Variants in MTO1 observed in about 807,000 individuals in gnomAD.
MTO1 encodes the protein mitochondrial tRNA translation optimization 1.
Under a neutral mutation model 71.6 loss-of-function variants are expected in MTO1, and 46 were observed. That is an observed-to-expected ratio of 0.64 (90% CI 0.51 to 0.82). The LOEUF is 0.82. Among genes scored for constraint, MTO1 ranks in the 40% least tolerant of loss-of-function variants. MTO1 has a pLI of 0.00. For missense variants in MTO1, 773 were observed against 867.5 expected (o/e 0.89, Z 1.37); for synonymous variants, 297 against 312.1 (o/e 0.95, Z 0.51).
chr6:73,481,984 G>A lies in MTO1; in HGVS notation c.1261-56G>A. ...TTGTTTCTGAGTAGTGTTCTGAATG[G>A]GATAGCCGTTTGTTTAGTTCATAAT... On this transcript the variant is annotated intron_variant, in intron 7 of 11. Coordinates refer to ENST00000498286, the MANE Select transcript of MTO1 (RefSeq NM_012123.4). 2.5e-6 allele frequency: 4 copies of A among 1,584,062 alleles called. No individual in the cohort carries two copies. In the South Asian group the frequency reaches 3.3e-5, roughly 13 times the overall value.
intron 3 of MTO1, among the ~76,000 whole-genome samples, chr6:73,469,734 G>C (rs1371705120): frequency 6.6e-6 from 1 of 152,110 alleles, no homozygotes; most frequent in African/African-American, 2.4e-5. Context: ...TGCTGGACAC[G>C]GTGGCTCACG....
At chr6:73,495,049 G>T (rs1215465330) in intron 10 of MTO1, among the ~76,000 whole-genome samples, 2 of 152,128 alleles carry the variant, frequency 1.3e-5, no homozygotes, top group East Asian at 3.9e-4. Flanking sequence ...TCCCAAAGTT[G>T]TTGGGATTAC....
chr6:73,498,088 C>T (rs1237156947), intron 11 of MTO1, among the ~76,000 whole-genome samples, 192 bp downstream of exon 11: 1 of 152,040 alleles, frequency 6.6e-6, no homozygotes, highest in Admixed American at 6.6e-5. Context: ...TGGCATGCAC[C>T]TGCAGCGCCA....
intron 3 of MTO1, 70 bp downstream of exon 3, chr6:73,466,676 C>G: frequency 7.3e-7 from 1 of 1,372,470 alleles, no homozygotes. Flanking sequence ...TATTTTAGAG[C>G]AAAGTGTGGA....
intron 4 of MTO1, among the ~76,000 whole-genome samples, chr6:73,476,841 T>A (rs1015161333): frequency 2.0e-5 from 3 of 150,704 alleles, no homozygotes; most frequent in Non-Finnish European, 4.4e-5. Context: ...CAGGCTGGAG[T>A]GCAGTGGTGC....
intron 4 of MTO1, among the ~76,000 whole-genome samples, chr6:73,476,960 G>T (rs1018187785): frequency 2.6e-5 from 4 of 151,850 alleles, no homozygotes; most frequent in African/African-American, 9.7e-5. Flanking sequence ...ACTAATTTTT[G>T]TAGTTTTAGT....
chr6:73,484,219 C>G (rs1279896655), intron 9 of MTO1, among the ~76,000 whole-genome samples: 1 of 152,168 alleles, frequency 6.6e-6, no homozygotes. Context: ...AAATGACAGC[C>G]TTATTCACAA....
chr6:73,495,979 G>A (rs533379189), intron 10 of MTO1, among the ~76,000 whole-genome samples: 1 of 152,306 alleles, frequency 6.6e-6, no homozygotes, highest in African/African-American at 2.4e-5. Flanking sequence ...GTTGGTGAGT[G>A]GCAGAGCTGG....
intron 9 of MTO1, chr6:73,492,030 A>C: frequency 2.4e-6 from 1 of 419,018 alleles, no homozygotes; most frequent in Admixed American, 3.5e-5. Flanking sequence ...TGAACCCAGC[A>C]GGTGGGGATT....
intron 9 of MTO1, among the ~76,000 whole-genome samples, chr6:73,488,912 G>A (rs535896918): frequency 4.6e-5 from 7 of 152,190 alleles, no homozygotes; most frequent in South Asian, 4.1e-4. Context: ...GCAAGACTCC[G>A]TCTAAAAAAC....
chr6:73,506,297 CTTTG>C lies in MTO1; in HGVS notation c.*5567_*5570del, dbSNP rs1291933688. 7 of 152,086 alleles carry C rather than the reference CTTTG, an allele frequency of 4.6e-5. No individual in the cohort carries two copies. Among genetic ancestry groups the C allele is most frequent in the Non-Finnish European group, 1.0e-4 (7 of 68,038 alleles). The allele number at this position is 152,086 out of a possible 1,614,324, so 9.4% of individuals were successfully genotyped here. A position where few individuals can be genotyped will look rare whatever the true frequency, so the allele number is the denominator to read the frequency against. On this transcript the variant is annotated 3_prime_UTR_variant, in exon 12 of 12. Coordinates refer to ENST00000498286, the MANE Select transcript of MTO1 (RefSeq NM_012123.4). ...CAGCCAAGATGGAAATTTTTATGTT[CTTTG>C]TTTGATATGGTTTGGCTGTGTCCCC...
chr6:73,462,799 T>A (rs1295399922), intron 1 of MTO1, among the ~76,000 whole-genome samples: 1 of 152,070 alleles, frequency 6.6e-6, no homozygotes, highest in Non-Finnish European at 1.5e-5. Context: ...TTTAAAAACA[T>A]TTTTTTAGAG....
At chr6:73,488,107 TG>T (rs1199037289) in intron 9 of MTO1, among the ~76,000 whole-genome samples, 1 of 152,306 alleles carries the variant, frequency 6.6e-6, no homozygotes, top group East Asian at 1.9e-4. Context: ...TTCATGTGCT[TG>T]TTAGCTATTT....
intron 3 of MTO1, 139 bp downstream of exon 3, chr6:73,466,745 TATAA>T (rs1278512089): frequency 3.0e-6 from 2 of 665,982 alleles, no homozygotes; most frequent in East Asian, 2.8e-5. Flanking sequence ...AGGAAAACTA[TATAA>T]ATAAATATGT....
At chr6:73,490,071 G>A (rs891313161) in intron 9 of MTO1, among the ~76,000 whole-genome samples, 3 of 152,168 alleles carry the variant, frequency 2.0e-5, no homozygotes, top group African/African-American at 7.2e-5. Flanking sequence ...GTGCCTGTTG[G>A]CTGCGTAAAT....
At chr6:73,486,381 T>C (rs1217800691) in intron 9 of MTO1, among the ~76,000 whole-genome samples, 2 of 152,104 alleles carry the variant, frequency 1.3e-5, no homozygotes, top group Non-Finnish European at 2.9e-5. Flanking sequence ...ACTCCCCCTT[T>C]CTCTCCTTCC....
At chr6:73,465,876 C>T (rs571212725) in intron 1 of MTO1, among the ~76,000 whole-genome samples, 7 of 152,112 alleles carry the variant, frequency 4.6e-5, no homozygotes, top group Admixed American at 2.6e-4. Flanking sequence ...CCCGGCTACT[C>T]GGGATGCTGA....
rs1772025605 is a variant in MTO1, at chr6:73,497,651, G to A, written c.1757-85G>A. The A allele has an allele frequency of 1.4e-5, 19 of 1,398,950 alleles. No individual in the cohort carries two copies. The South Asian group carries it at 2.5e-4, about 19-fold the overall frequency. 86.7% of individuals were successfully genotyped at this position (1,398,950 alleles called of 1,614,324 possible). A position where few individuals can be genotyped will look rare whatever the true frequency, so the allele number is the denominator to read the frequency against. Reference sequence around the variant, plus strand: ...GAGATGATGTACACAAAAGCTTTTTGTAAATTGTAAGAGGCTACATAAATG... The same window carrying A: ...GAGATGATGTACACAAAAGCTTTTTATAAATTGTAAGAGGCTACATAAATG... On this transcript the variant is annotated intron_variant, in intron 10 of 11. Transcript: ENST00000498286.
chr6:73,496,803 C>T (rs906333980), intron 10 of MTO1, among the ~76,000 whole-genome samples: 1 of 151,810 alleles, frequency 6.6e-6, no homozygotes, highest in Admixed American at 6.6e-5. Context: ...GCCTATAATC[C>T]CAGCACTTTG....
Sources: allele counts gnomAD v4.1 joint callset (sites outside exome capture counted in the v4.1 genomes callset), GRCh38; gene constraint gnomAD v4.1.1; transcripts MANE v1.5; gene names NCBI Gene and HGNC (gene_info 2026-07-23, HGNC 2026-07-21).